The following ASRGL1 variants were observed in gnomAD, a reference collection of about 807,000 sequenced individuals.
ASRGL1 encodes the protein isoaspartyl peptidase/L-asparaginase.
In ASRGL1, 16 loss-of-function variants were observed where a neutral mutation model predicts 22.4. That is an observed-to-expected ratio of 0.71 (90% CI 0.48 to 1.08). The LOEUF (loss-of-function observed/expected upper bound fraction) is 1.08, where lower values mean the gene tolerates loss of function less well. ASRGL1 is among the 50% of genes least tolerant of loss of function. The pLI is 0.00. For synonymous variants in ASRGL1, 165 were observed against 159.3 expected, an observed-to-expected ratio of 1.04 and a Z score of -0.27; for missense variants, 412 against 410.1, an observed-to-expected ratio of 1.00 and a Z score of -0.04.
intron 4 of ASRGL1, among the ~76,000 whole-genome samples, chr11:62,358,374 A>G: frequency 6.6e-6 from 1 of 151,122 alleles, no homozygotes. Flanking sequence ...CGTCTCAGAA[A>G]AAAAAAAAAA....
downstream of ASRGL1, among the ~76,000 whole-genome samples, chr11:62,396,384 C>T (rs185899799): frequency 6.6e-6 from 1 of 152,100 alleles, no homozygotes; most frequent in Non-Finnish European, 1.5e-5. Flanking sequence ...GAGCCACAGC[C>T]GTCCATAGCA....
intron 4 of ASRGL1, 177 bp downstream of exon 4, chr11:62,357,321 C>CA: frequency 1.5e-6 from 1 of 677,830 alleles, no homozygotes; most frequent in Non-Finnish European, 2.3e-6. Context: ...GCGATCTCGG[C>CA]TCACTGCAGC....
At chr11:62,373,491 TACACTCCCCAAA>T (rs1336686401) in intron 4 of ASRGL1, among the ~76,000 whole-genome samples, 1 of 152,098 alleles carries the variant, frequency 6.6e-6, no homozygotes, top group Non-Finnish European at 1.5e-5. Context: ...CTCTCCTGAA[TACACTCCCCAAA>T]ACACTCCTTT....
At chr11:62,375,275 G>A (rs574182374) in intron 4 of ASRGL1, among the ~76,000 whole-genome samples, 5 of 151,610 alleles carry the variant, frequency 3.3e-5, no homozygotes, top group Admixed American at 6.6e-5. Flanking sequence ...ACAGTTGCCC[G>A]GCTGGGAACG....
downstream of ASRGL1, among the ~76,000 whole-genome samples, chr11:62,397,438 G>A (rs1300179534): frequency 5.9e-5 from 9 of 152,104 alleles, no homozygotes; most frequent in African/African-American, 9.6e-5. Context: ...GGCTGAAGCG[G>A]GCAGATCACC....
At chr11:62,346,767 C>G (rs1177350734) in intron 2 of ASRGL1, among the ~76,000 whole-genome samples, 1 of 151,990 alleles carries the variant, frequency 6.6e-6, no homozygotes, top group Non-Finnish European at 1.5e-5. Flanking sequence ...GTCAGGAGTT[C>G]GAGACCTGCC....
rs1231313810 is a variant in ASRGL1, at chr11:62,356,486, G to T, written c.333+19G>T. 6.2e-6 allele frequency: 10 copies of T among 1,612,786 alleles called. No homozygotes were observed. The highest frequency in any genetic ancestry group is 8.5e-6 in the Non-Finnish European group (10 of 1,179,120). ...GGAAAAGGTATATGTGACTAAAGCA[G>T]CCTTTTCCTAATGAATTGTTATTGT... is the stretch of plus-strand genomic sequence containing the variant. On this transcript the variant is annotated intron_variant, in intron 3 of 6. Coordinates refer to ENST00000415229, the MANE Select transcript of ASRGL1 (RefSeq NM_001083926.2).
At chr11:62,397,039 G>GC, downstream of ASRGL1, among the ~76,000 whole-genome samples, 1 of 151,934 alleles carries the variant, frequency 6.6e-6, no homozygotes, top group Non-Finnish European at 1.5e-5. Flanking sequence ...TTTTTTGTTT[G>GC]TTTTTTTTGA....
chr11:62,338,438 A>G (rs1009207841), intron 2 of ASRGL1: 2 of 394,150 alleles, frequency 5.1e-6, no homozygotes, highest in Non-Finnish European at 4.5e-6. Flanking sequence ...CTGGAGAGAC[A>G]TAAGATGTCA....
chr11:62,347,611 G>C (rs926096462), intron 2 of ASRGL1, among the ~76,000 whole-genome samples: 3 of 144,678 alleles, frequency 2.1e-5, no homozygotes, highest in Non-Finnish European at 4.7e-5. Context: ...CCCAATCTTC[G>C]GTTGAAAATA....
intron 4 of ASRGL1, among the ~76,000 whole-genome samples, chr11:62,374,957 A>AG (rs1850421066): frequency 2.0e-5 from 3 of 151,938 alleles, no homozygotes; most frequent in Non-Finnish European, 2.9e-5. Flanking sequence ...GGAACCCTTG[A>AG]GGTCTCTCCT....
intron 4 of ASRGL1, chr11:62,371,459 G>C (rs925693190): frequency 6.6e-6 from 4 of 608,376 alleles, no homozygotes; most frequent in Non-Finnish European, 1.2e-5. Context: ...AGGTTTAATG[G>C]ATTTAGGGCT....
chr11:62,361,576 C>T (rs1421477925), intron 4 of ASRGL1, among the ~76,000 whole-genome samples: 1 of 150,640 alleles, frequency 6.6e-6, no homozygotes, highest in Non-Finnish European at 1.5e-5. Flanking sequence ...CAACCTCCGC[C>T]TCCCAGGTTC....
At chr11:62,373,400 A>G (rs1189934201) in intron 4 of ASRGL1, among the ~76,000 whole-genome samples, 2 of 152,070 alleles carry the variant, frequency 1.3e-5, no homozygotes, top group Non-Finnish European at 2.9e-5. Context: ...TCGAATTAAA[A>G]TACTTGCTCG....
At chr11:62,372,190 C>G (rs572013298) in intron 4 of ASRGL1, 2 of 1,052,194 alleles carry the variant, frequency 1.9e-6, no homozygotes, top group African/African-American at 3.1e-5. Context: ...TAGAAGCCCC[C>G]AGACTCACCG....
chr11:62,395,759 C>CTTTTTTTT (rs564952668), downstream of ASRGL1, among the ~76,000 whole-genome samples: 672 of 71,932 alleles, frequency 9.3e-3, 50 homozygotes, highest in Non-Finnish European at 0.015. Flanking sequence ...GTAGCTGTTT[C>CTTTTTTTT]TTTTTTTTTT....
At chr11:62,362,671 TATATATTATATAA>T (rs1946495984) in intron 4 of ASRGL1, among the ~76,000 whole-genome samples, 1 of 60,976 alleles carries the variant, frequency 1.6e-5, no homozygotes, top group Admixed American at 2.9e-4. Flanking sequence ...AAATATATAA[TATATATTATATAA>T]AATATATATT....
At chr11:62,355,996 G>A (rs978039517) in intron 2 of ASRGL1, among the ~76,000 whole-genome samples, 11 of 152,356 alleles carry the variant, frequency 7.2e-5, no homozygotes, top group East Asian at 3.9e-4. Flanking sequence ...TACAGAACAA[G>A]ATGAAAAGTC....
intron 2 of ASRGL1, among the ~76,000 whole-genome samples, chr11:62,349,780 G>C (rs1946127186): frequency 6.6e-6 from 1 of 152,190 alleles, no homozygotes. Context: ...CCATAGAGCA[G>C]CCCCGAGGGC....
Sources: gnomAD v4.1 joint callset for allele counts (sites outside exome capture counted in the v4.1 genomes callset) on GRCh38, gnomAD v4.1.1 for gene constraint, MANE v1.5 for transcripts, NCBI Gene and HGNC (gene_info 2026-07-23, HGNC 2026-07-21) for gene names.